Variants in GCN1 observed in about 807,000 individuals in gnomAD.
GCN1 encodes the protein stalled ribosome sensor GCN1.
Under a neutral mutation model 288.4 loss-of-function variants are expected in GCN1, and 90 were observed. The observed-to-expected ratio is 0.31, with a 90% CI of 0.26 to 0.37. The LOEUF is 0.37. Among genes scored for constraint, GCN1 ranks in the 10% least tolerant of loss-of-function variants. The pLI is 1.00. For synonymous variants in GCN1, 1,386 were observed against 1,420.2 expected, an observed-to-expected ratio of 0.98 and a Z score of 0.54; for missense variants, 2,586 against 3,419.9, an observed-to-expected ratio of 0.76 and a Z score of 6.08.
Position 120,155,246 on chromosome 12 carries a change from G to A in GCN1, c.3625C>T (p.Leu1209Phe). 1 of 1,614,104 alleles carries A rather than the reference G, an allele frequency of 6.2e-7. No homozygotes were observed. The highest frequency in any genetic ancestry group is 1.1e-5 in the South Asian group (1 of 91,084). Reference protein sequence around the residue: ...GRLMEIYQEKLYRPPPVLDAL... With the variant: ...GRLMEIYQEKFYRPPPVLDAL... Reference sequence around the variant, plus strand: ...GGGCTGCACAGGTCACTCACGTAGAGCTTTTCCTGGTAAATCTCCATGAGC... The same window carrying A: ...GGGCTGCACAGGTCACTCACGTAGAACTTTTCCTGGTAAATCTCCATGAGC... The change falls in exon 30 of 58, where the codon CTC (leucine) becomes TTC (phenylalanine). Residue 1209 changes from leucine to phenylalanine, a missense_variant. By Grantham distance (22) the Leu-to-Phe change is conservative. Coordinates refer to ENST00000300648, the MANE Select transcript of GCN1 (RefSeq NM_006836.2). This position sits in a 1 kb window ranked among gnomAD's most constrained non-coding sequence, Gnocchi z 4.9.
chr12:120,152,612 C>T (rs1877599755), intron 33 of GCN1, among the ~76,000 whole-genome samples: 1 of 128,496 alleles, frequency 7.8e-6, no homozygotes, highest in Admixed American at 8.1e-5. Flanking sequence ...CTAAGTGGTC[C>T]AAAATGCAAA....
chr12:120,165,038 T>TC (rs1878069829), intron 16 of GCN1, among the ~76,000 whole-genome samples: 1 of 134,552 alleles, frequency 7.4e-6, no homozygotes, highest in African/African-American at 2.8e-5. Context: ...CACACACACA[T>TC]ATATATATAT....
chr12:120,131,898 C>T, intron 54 of GCN1, 28 bp downstream of exon 54: 1 of 1,456,328 alleles, frequency 6.9e-7, no homozygotes, highest in Non-Finnish European at 9.5e-7. Flanking sequence ...GCCCAGGTCC[C>T]TGAAGGGGAA....
At chr12:120,167,127 G>T (rs1455352801) in intron 16 of GCN1, among the ~76,000 whole-genome samples, 1 of 151,866 alleles carries the variant, frequency 6.6e-6, no homozygotes, top group African/African-American at 2.4e-5. Flanking sequence ...ATCACCTGAG[G>T]TCGGGAGTTC....
In GCN1 at chr12:120,174,022, G is replaced by A. The variant is rs377372874; in HGVS notation, c.1192+49C>T. ...GAAAGCTCCAACTGTGAAAAACCAC[G>A]GTCAAGGATGAGTACAGAACGCATG... On this transcript the variant is annotated intron_variant, in intron 13 of 57. Coordinates refer to ENST00000300648, the MANE Select transcript of GCN1 (RefSeq NM_006836.2). 5.5e-5 allele frequency: 67 copies of A among 1,215,984 alleles called. 1 individual carries two copies. Among genetic ancestry groups the A allele is most frequent in the Middle Eastern group, 1.9e-4 (1 of 5,336 alleles). 75.3% of individuals were successfully genotyped at this position (1,215,984 alleles called of 1,614,324 possible).
chr12:120,131,879 G>GTC lies in GCN1; in HGVS notation c.7414+46_7414+47insGA, dbSNP rs1205955664. 4.9e-6 allele frequency: 6 copies of GTC among 1,216,770 alleles called. No individual in the cohort carries two copies. The East Asian group carries it at 9.8e-5, about 20-fold the overall frequency. The allele number at this position is 1,216,770 out of a possible 1,614,324, so 75.4% of individuals were successfully genotyped here. Reference sequence around the variant, plus strand: ...GAGATGCCCGTCGACTCTTCGCTAGGGCTGAGAGGCCCAGGTCCCTGAAGG... The same window carrying GTC: ...GAGATGCCCGTCGACTCTTCGCTAGGTCGCTGAGAGGCCCAGGTCCCTGAAGG... On this transcript the variant is annotated intron_variant, in intron 54 of 57. Coordinates refer to ENST00000300648, the MANE Select transcript of GCN1 (RefSeq NM_006836.2).
chr12:120,168,163 G>A lies in GCN1; in HGVS notation c.1612+45C>T, dbSNP rs763919192. ...GTCCTCTCTGAAGATTTTCCAAAGAGACTTTGCCTCAATCCCGAGTTCAAC... is the reference window on the plus strand; with the variant it reads ...GTCCTCTCTGAAGATTTTCCAAAGAAACTTTGCCTCAATCCCGAGTTCAAC... On this transcript the variant is annotated intron_variant, in intron 16 of 57. Transcript: ENST00000300648. The A allele has an allele frequency of 2.6e-6, 3 of 1,140,524 alleles. No individual in the cohort carries two copies. The Admixed American group carries it at 5.0e-5, about 19-fold the overall frequency. The allele number at this position is 1,140,524 out of a possible 1,614,324, so 70.7% of individuals were successfully genotyped here.
At position 120,136,611 on chromosome 12, in the gene GCN1, C is replaced by T; in HGVS notation, c.6899G>A (p.Arg2300Lys). Reference protein sequence around the residue: ...VIRLTSADALRPSVVSITGPL... With the variant: ...VIRLTSADALKPSVVSITGPL... ...GCCAGTGATGCTGACCACGGAGGGC[C>T]TCAGGGCGTCAGCCGAGGTCAGGCG... Residue 2300 changes from arginine (R) to lysine (K), a missense_variant, in exon 51 of 58, where the codon AGG becomes AAG. Physicochemically the swap from Arg to Lys is conservative, Grantham distance 26. Transcript: ENST00000300648. The T allele has an allele frequency of 6.2e-7, 1 of 1,614,220 alleles. No homozygotes were observed. Among genetic ancestry groups the T allele is most frequent in the East Asian group, 2.2e-5 (1 of 44,894 alleles).
intron 10 of GCN1, 113 bp from the exon 11 acceptor site, chr12:120,175,987 A>G (rs921529476): frequency 1.4e-6 from 2 of 1,428,146 alleles, no homozygotes; most frequent in Non-Finnish European, 1.9e-6. Context: ...CTCTCATTCA[A>G]ATAATCTCAA....
chr12:120,157,077 C>T, intron 26 of GCN1, 85 bp from the exon 27 acceptor site: 1 of 815,500 alleles, frequency 1.2e-6, no homozygotes, highest in South Asian at 1.4e-5. Flanking sequence ...TCCTCTCACC[C>T]ACGGGGGAAC....
intron 31 of GCN1, among the ~76,000 whole-genome samples, chr12:120,154,286 G>GT (rs998318148): frequency 4.6e-5 from 7 of 152,192 alleles, no homozygotes; most frequent in African/African-American, 1.7e-4. Context: ...GCAAAGTGTT[G>GT]TTACTCTTTC....
In GCN1 at chr12:120,134,060, CAGCCAAA is replaced by C. The variant is rs1163442612; in HGVS notation, c.7317+224_7317+230del. On this transcript the variant is annotated intron_variant, in intron 53 of 57. Coordinates refer to ENST00000300648, the MANE Select transcript of GCN1 (RefSeq NM_006836.2). This position sits in a 1 kb window ranked among gnomAD's most constrained non-coding sequence, Gnocchi z 5.0. The stretch of plus-strand genomic sequence containing the variant: ...CCGGCCTGGGTGACACAGCAAGACT[CAGCCAAA>C]AAACAAACAAACAAACGGAAATAAC... Among the ~76,000 whole-genome samples the C allele has an allele frequency of 1.3e-5, 2 of 152,236 alleles. No homozygotes were observed. Among genetic ancestry groups the C allele is most frequent in the African/African-American group, 4.8e-5 (2 of 41,528 alleles).
chr12:120,163,149 C>T lies in GCN1; in HGVS notation c.1959G>A (p.Val653=), dbSNP rs776218212. The change falls in exon 19 of 58, where the codon GTG becomes GTA. Residue 653 remains valine, a synonymous_variant. Coordinates refer to ENST00000300648, the MANE Select transcript of GCN1 (RefSeq NM_006836.2). ...LQEALCVISG[V]PGLKGDVTDT... is the part of the protein sequence containing the mutation. Reference sequence around the variant, plus strand: ...CGGTGACATCACCCTTGAGCCCTGGCACACCGGAGATGACACACAGAGCCT... The same window carrying T: ...CGGTGACATCACCCTTGAGCCCTGGTACACCGGAGATGACACACAGAGCCT... The T allele has an allele frequency of 6.2e-6, 10 of 1,614,092 alleles. No homozygotes were observed. In the South Asian group the frequency reaches 1.1e-4, roughly 18 times the overall value.
chr12:120,128,338 CTT>C (rs111527973), intron 57 of GCN1, among the ~76,000 whole-genome samples: 15 of 141,288 alleles, frequency 1.1e-4, no homozygotes, highest in Non-Finnish European at 9.3e-5. Context: ...AGCTTTTGGG[CTT>C]TTTTTTTTTT....
At chr12:120,150,792 C>G (rs1420512631) in intron 34 of GCN1, among the ~76,000 whole-genome samples, 2 of 151,978 alleles carry the variant, frequency 1.3e-5, no homozygotes, top group African/African-American at 2.4e-5. Flanking sequence ...AAAAAATTAG[C>G]CGGGCGTGGT....
chr12:120,142,740 G>T lies in GCN1; in HGVS notation c.5614-18C>A. The T allele has an allele frequency of 6.2e-7, 1 of 1,612,710 alleles. No homozygotes were observed. The highest frequency in any genetic ancestry group is 8.5e-7 in the Non-Finnish European group (1 of 1,178,696). ...ATGATCGCCTGCAGCCAGTAGAAGG[G>T]GACAGAGAGTAGTGAAGCCTCTATG... On this transcript the variant is annotated intron_variant, in intron 43 of 57. Transcript: ENST00000300648. The surrounding 1 kb of genome is among the most constrained non-coding windows in gnomAD (Gnocchi z 4.9).
intron 12 of GCN1, 50 bp from the exon 13 acceptor site, chr12:120,174,219 G>T: frequency 9.2e-7 from 1 of 1,081,124 alleles, no homozygotes; most frequent in Non-Finnish European, 1.4e-6. Context: ...GAACCACAGA[G>T]GCAAGTCTTC....
chr12:120,131,365 G>A (rs142648304), intron 54 of GCN1, 32 bp from the exon 55 acceptor site: 18 of 1,608,954 alleles, frequency 1.1e-5, no homozygotes, highest in Non-Finnish European at 1.5e-5. Flanking sequence ...GGATCAACCG[G>A]TATTTTACAG....
Position 120,153,495 on chromosome 12 carries a change from G to C in GCN1, c.3868-88C>G. The C allele has an allele frequency of 8.2e-7, 1 of 1,220,720 alleles. No individual in the cohort carries two copies. Among genetic ancestry groups the C allele is most frequent in the Non-Finnish European group, 1.2e-6 (1 of 867,656 alleles). 75.6% of individuals were successfully genotyped at this position (1,220,720 alleles called of 1,614,324 possible). On this transcript the variant is annotated intron_variant, in intron 32 of 57. Transcript: ENST00000300648. The surrounding 1 kb of genome is among the most constrained non-coding windows in gnomAD (Gnocchi z 4.4). ...TCCCTGCCCTGAGGACCAAGACCAA[G>C]TCTAGCTCTGGGACAGGCATCCTGA...
Sources: gnomAD v4.1 joint callset for allele counts (sites outside exome capture counted in the v4.1 genomes callset) on GRCh38, gnomAD v4.1.1 for gene constraint, Gnocchi (gnomAD v3.1) non-coding constraint, MANE v1.5 for transcripts, NCBI Gene and HGNC (gene_info 2026-07-23, HGNC 2026-07-21) for gene names.